Variants in SSB observed in about 807,000 individuals in gnomAD.
The protein encoded by SSB is lupus La protein.
SSB carries 17 observed loss-of-function variants against 52.9 expected under a neutral mutation model. The observed-to-expected ratio is 0.32, with a 90% CI of 0.22 to 0.48. SSB has a LOEUF of 0.48. SSB is among the 20% of genes least tolerant of loss of function. SSB has a pLI of 0.99. For missense variants in SSB, 314 were observed against 463.6 expected (o/e 0.68, Z 2.96); for synonymous variants, 111 against 152.1 (o/e 0.73, Z 1.99).
rs753048588 is a variant in SSB at position 169,811,833 on chromosome 2, C to T, written c.*77C>T. 20 of 1,613,316 alleles carry T rather than the reference C, an allele frequency of 1.2e-5. No individual in the cohort carries two copies. Among genetic ancestry groups the T allele is most frequent in the Middle Eastern group, 1.6e-4 (1 of 6,072 alleles). ...TTTGCGGGGCTTTTAAAAGGAAAAC[C>T]GAATTAGGTCCACTTCAATGTCCAC... On this transcript the variant is annotated 3_prime_UTR_variant, in exon 12 of 12. Coordinates refer to ENST00000260956, the MANE Select transcript of SSB (RefSeq NM_003142.5).
intron 9 of SSB, 165 bp downstream of exon 9, chr2:169,810,588 C>T: frequency 4.1e-6 from 3 of 723,618 alleles, no homozygotes; most frequent in Non-Finnish European, 6.7e-6. Flanking sequence ...CTGAATTATA[C>T]TAAATTAGTT....
In SSB at chr2:169,806,634, A is replaced by T. The variant is rs530689690; in HGVS notation, c.346-151A>T. 4.4e-5 allele frequency: 27 copies of T among 608,084 alleles called. No homozygotes were observed. In the South Asian group the frequency reaches 6.2e-4, roughly 14 times the overall value. The allele number at this position is 608,084 out of a possible 1,614,324, so 37.7% of individuals were successfully genotyped here. ...ATTGTACTGGAGAGTAGTGGCTCCT[A>T]AACAAGGCTGTTAAGTGATTAACAA... On this transcript the variant is annotated intron_variant, in intron 4 of 11. Coordinates refer to ENST00000260956, the MANE Select transcript of SSB (RefSeq NM_003142.5).
At chr2:169,802,597 T>C (rs1689735524) in intron 2 of SSB, among the ~76,000 whole-genome samples, 1 of 152,220 alleles carries the variant, frequency 6.6e-6, no homozygotes. Flanking sequence ...ACCTGCTAAC[T>C]CTCAAATCCT....
intron 2 of SSB, among the ~76,000 whole-genome samples, chr2:169,801,996 A>G (rs1689722016): frequency 6.6e-6 from 1 of 152,138 alleles, no homozygotes; most frequent in East Asian, 1.9e-4. Flanking sequence ...AGCCTGGGCA[A>G]CATGATGAGG....
rs1689939777 is a variant in SSB, at chr2:169,811,027, A to G, written c.980A>G (p.Asn327Ser). ...KIIEDQQESL[N>S]KWKSKGRRFK... ...ATAGAAGACCAACAAGAATCCCTAA[A>G]CAAATGGAAGTCAAAAGGTCATTTA... Residue 327 changes from asparagine (N) to serine (S), a missense_variant, in exon 10 of 12, where the codon AAC becomes AGC. Asn to Ser is a conservative substitution (Grantham distance 46). Transcript: ENST00000260956. 6.2e-7 allele frequency: 1 copy of G among 1,610,544 alleles called. No homozygotes were observed. Among genetic ancestry groups the G allele is most frequent in the African/African-American group, 1.3e-5 (1 of 74,626 alleles).
chr2:169,800,534 C>CAAAAAAAAAAAAAAAAAAAAAA (rs59743225), intron 1 of SSB, among the ~76,000 whole-genome samples: 12 of 78,276 alleles, frequency 1.5e-4, no homozygotes, highest in African/African-American at 6.8e-4. Flanking sequence ...GACTCCGTCT[C>CAAAAAAAAAAAAAAAAAAAAAA]AAAAAAAAAA....
chr2:169,805,964 TAA>T (rs1386243995), intron 4 of SSB, 125 bp downstream of exon 4: 3 of 1,017,174 alleles, frequency 2.9e-6, no homozygotes, highest in Non-Finnish European at 4.4e-6. Flanking sequence ...ATTCTTAACC[TAA>T]GTTTCTTTTG....
At chr2:169,808,691 A>C in intron 7 of SSB, 138 bp downstream of exon 7, 1 of 1,021,672 alleles carries the variant, frequency 9.8e-7, no homozygotes, top group Non-Finnish European at 1.5e-6. Context: ...CTGCCTTGAC[A>C]ATCTCAGGGC....
At chr2:169,805,948 C>T (rs1423348781) in intron 4 of SSB, 109 bp downstream of exon 4, 9 of 1,072,004 alleles carry the variant, frequency 8.4e-6, no homozygotes, top group East Asian at 2.6e-5. Context: ...TATGTCCTTT[C>T]GTAATATTCT....
At chr2:169,799,054 T>G (rs911059145) in intron 1 of SSB, 78 bp downstream of exon 1, 4 of 152,132 alleles carry the variant, frequency 2.6e-5, no homozygotes, top group African/African-American at 9.7e-5. Flanking sequence ...TTTCCGTTCT[T>G]TACTGCTTCT....
intron 4 of SSB, chr2:169,806,541 CAAATCATCT>C (rs1429494807): frequency 5.7e-6 from 2 of 347,854 alleles, no homozygotes; most frequent in East Asian, 1.0e-4. Flanking sequence ...ACAGAACATG[CAAATCATCT>C]TGTTTTATTT....
intron 2 of SSB, among the ~76,000 whole-genome samples, chr2:169,802,318 T>TAC (rs1194916673): frequency 6.6e-6 from 1 of 151,504 alleles, no homozygotes; most frequent in East Asian, 1.9e-4. Flanking sequence ...ATATCGATAA[T>TAC]GGTTGCATGG....
chr2:169,805,662 C>G lies in SSB; in HGVS notation c.171-3C>G, dbSNP rs1689813924. 1 of 1,613,700 alleles carries G rather than the reference C, an allele frequency of 6.2e-7. No homozygotes were observed. Among genetic ancestry groups the G allele is most frequent in the Non-Finnish European group, 8.5e-7 (1 of 1,179,870 alleles). On this transcript the variant is annotated splice_polypyrimidine_tract_variant and splice_region_variant and intron_variant, in intron 3 of 11. Transcript: ENST00000260956. ...GTCTTATGTTTTTATATGTACTCTT[C>G]AGGTTGAACCGTCTAACAACAGACT...
intron 9 of SSB, 116 bp downstream of exon 9, chr2:169,810,539 T>A: frequency 1.0e-6 from 1 of 966,378 alleles, no homozygotes; most frequent in Admixed American, 3.0e-5. Context: ...TTCTACTTGA[T>A]CATTTGTTAT....
At chr2:169,810,480 G>C (rs1689925358) in intron 9 of SSB, 57 bp downstream of exon 9, 1 of 1,471,678 alleles carries the variant, frequency 6.8e-7, no homozygotes, top group Non-Finnish European at 9.2e-7. Flanking sequence ...TAGAAACTTA[G>C]ACAAAATTAG....
chr2:169,811,436 A>G (rs1689953988), intron 11 of SSB, 113 bp downstream of exon 11: 1 of 1,344,096 alleles, frequency 7.4e-7, no homozygotes, highest in Admixed American at 3.0e-5. Flanking sequence ...GATAAGTGCC[A>G]TTCTTGGATT....
chr2:169,808,852 A>G lies in SSB; in HGVS notation c.627-8A>G. ...AGAAGTATGTTATAATTATATTTTT[A>G]TTTGTAGGGAGCAAGAAGCAAAACA... On this transcript the variant is annotated splice_polypyrimidine_tract_variant and splice_region_variant and intron_variant, in intron 7 of 11. Transcript: ENST00000260956. 1.3e-6 allele frequency: 2 copies of G among 1,577,352 alleles called. No individual in the cohort carries two copies. The highest frequency in any genetic ancestry group is 1.7e-6 in the Non-Finnish European group (2 of 1,148,480).
In SSB at chr2:169,800,534, C is replaced by A. The variant is rs1283776484; in HGVS notation, c.-9-418C>A. 2.3e-3 allele frequency among the ~76,000 whole-genome samples: 177 copies of A among 78,256 alleles called. 1 individual carries two copies. Among genetic ancestry groups the A allele is most frequent in the African/African-American group, 4.7e-3 (83 of 17,698 alleles). 51.3% of individuals were successfully genotyped at this position (78,256 alleles called of 152,430 possible). ...GGGCAACAAAAGCGAGACTCCGTCT[C>A]AAAAAAAAAAAAAAAAAAAGAGGTG... is the stretch of plus-strand genomic sequence containing the variant. On this transcript the variant is annotated intron_variant, in intron 1 of 11. Coordinates refer to ENST00000260956, the MANE Select transcript of SSB (RefSeq NM_003142.5).
intron 6 of SSB, among the ~76,000 whole-genome samples, chr2:169,807,384 G>T (rs1274115314): frequency 6.6e-6 from 1 of 152,002 alleles, no homozygotes; most frequent in Non-Finnish European, 1.5e-5. Context: ...TGCTTCCTGG[G>T]TTCAAGCGAT....
Sources: allele counts gnomAD v4.1 joint callset (sites outside exome capture counted in the v4.1 genomes callset), GRCh38; gene constraint gnomAD v4.1.1; transcripts MANE v1.5; gene names NCBI Gene and HGNC (gene_info 2026-07-23, HGNC 2026-07-21).